The following TACC2 variants were observed in gnomAD, a reference collection of about 807,000 sequenced individuals.
TACC2 encodes the protein transforming acidic coiled-coil-containing protein 2.
In TACC2, 137 loss-of-function variants were observed where a neutral mutation model predicts 227.3. The ratio of observed to expected loss-of-function variants is 0.60; its 90% CI spans 0.52 to 0.69. The LOEUF (loss-of-function observed/expected upper bound fraction) is 0.69, where lower values mean the gene tolerates loss of function less well. TACC2 is among the 30% of genes least tolerant of loss of function. The pLI is 0.00. For synonymous variants in TACC2, 1,523 were observed against 1,487.5 expected, an observed-to-expected ratio of 1.02 and a Z score of -0.55; for missense variants, 3,470 against 3,694.4, an observed-to-expected ratio of 0.94 and a Z score of 1.57.
intron 2 of TACC2, among the ~76,000 whole-genome samples, chr10:122,032,324 A>G (rs1959085026): frequency 6.6e-6 from 1 of 152,210 alleles, no homozygotes. Flanking sequence ...CCAAACTGCT[A>G]TCTCTGTCCC....
chr10:122,103,151 A>G (rs959523976), intron 5 of TACC2, among the ~76,000 whole-genome samples: 27 of 150,556 alleles, frequency 1.8e-4, no homozygotes, highest in African/African-American at 6.6e-4. Flanking sequence ...GGATCTTATG[A>G]GTGTGAGGGC....
chr10:122,155,301 C>T (rs531287413), intron 7 of TACC2, among the ~76,000 whole-genome samples: 1 of 152,208 alleles, frequency 6.6e-6, no homozygotes, highest in Admixed American at 6.5e-5. Context: ...CTGTTTACAC[C>T]CAAATGTTTT....
chr10:122,078,067 C>T (rs531570414), intron 3 of TACC2, among the ~76,000 whole-genome samples: 30 of 151,910 alleles, frequency 2.0e-4, no homozygotes, highest in Admixed American at 5.9e-4. Context: ...TGGTGGTGCA[C>T]GCCTGTAGTC....
At chr10:122,149,865 C>T (rs1565440657) in intron 7 of TACC2, among the ~76,000 whole-genome samples, 1 of 152,236 alleles carries the variant, frequency 6.6e-6, no homozygotes, top group African/African-American at 2.4e-5. Context: ...CCATTGTTCT[C>T]TTGCCTCTGA....
In TACC2 at chr10:122,084,188, C is replaced by T; in HGVS notation, c.1688C>T (p.Ala563Val). 6.2e-7 allele frequency: 1 copy of T among 1,614,082 alleles called. No individual in the cohort carries two copies. The highest frequency in any genetic ancestry group is 1.1e-5 in the South Asian group (1 of 91,082). The change falls in exon 4 of 23, where the codon GCC (alanine) becomes GTC (valine). Residue 563 changes from alanine (A) to valine (V), a missense_variant. Physicochemically the swap from Ala to Val is moderately conservative, Grantham distance 64. This residue lies in a region of TACC2 where 1,924 missense variants were observed against 1,978.3 expected (regional missense o/e 0.97). Coordinates refer to ENST00000369005, the MANE Select transcript of TACC2 (RefSeq NM_206862.4). The stretch of plus-strand genomic sequence containing the variant: ...GTCCATGAAGATTCCACAAGCCCAG[C>T]CGTGGCTAAAGAAGGAAGCAGATCA... ...AKVHEDSTSPAVAKEGSRSPG... is the reference protein window; with the variant it reads ...AKVHEDSTSPVVAKEGSRSPG...
chr10:122,132,810 C>T (rs2088630017), intron 6 of TACC2, 76 bp downstream of exon 6: 4 of 1,476,474 alleles, frequency 2.7e-6, no homozygotes, highest in East Asian at 2.3e-5. Context: ...CGCTCCCCTC[C>T]CTTCCCCTCC....
rs781082579 is a variant in TACC2, at chr10:122,087,145, C to T, written c.4645C>T (p.Leu1549=). The change falls in exon 4 of 23, where the codon CTG becomes TTG. Residue 1549 remains leucine, a synonymous_variant. Transcript: ENST00000369005. The stretch of plus-strand genomic sequence containing the variant: ...CCTGGAAGGCCAGGCTTACTCACAG[C>T]TGGAGAGGAGCAGGCAGGAATTAGC... ...PGLEGQAYSQ[L]ERSRQELASG... The T allele has an allele frequency of 6.2e-7, 1 of 1,611,178 alleles. No individual in the cohort carries two copies.
At chr10:122,097,189 T>C (rs1323076944) in intron 5 of TACC2, among the ~76,000 whole-genome samples, 1 of 151,460 alleles carries the variant, frequency 6.6e-6, no homozygotes, top group Non-Finnish European at 1.5e-5. Context: ...ATTAGCGTGG[T>C]GTGGTGGTAC....
Position 122,049,115 on chromosome 10 carries a change from C to T in TACC2, c.34-1323C>T, listed in dbSNP as rs145698847. ...CAGCTCATCTGGATGAGAGGTGGACCGGGGAATGCACTCTCAGTTGCTAGT... is the reference window on the plus strand; with the variant it reads ...CAGCTCATCTGGATGAGAGGTGGACTGGGGAATGCACTCTCAGTTGCTAGT... On this transcript the variant is annotated intron_variant, in intron 2 of 22. Transcript: ENST00000369005. Among the ~76,000 whole-genome samples the T allele has an allele frequency of 1.2e-4, 18 of 152,248 alleles. No individual in the cohort carries two copies. In the East Asian group the frequency reaches 2.9e-3, roughly 25 times the overall value.
At chr10:122,017,955 CTTT>C (rs199883119) in intron 1 of TACC2, among the ~76,000 whole-genome samples, 1 of 129,936 alleles carries the variant, frequency 7.7e-6, no homozygotes. Flanking sequence ...TAGTGGAATT[CTTT>C]TTTTTTTTTT....
chr10:122,076,184 G>A (rs2078787496), intron 3 of TACC2, among the ~76,000 whole-genome samples: 1 of 152,272 alleles, frequency 6.6e-6, no homozygotes, highest in African/African-American at 2.4e-5. Context: ...TGGGGCTTCT[G>A]TAGAGTTATG....
chr10:122,064,795 A>G (rs2077213452), intron 3 of TACC2, among the ~76,000 whole-genome samples: 1 of 152,070 alleles, frequency 6.6e-6, no homozygotes, highest in Non-Finnish European at 1.5e-5. Context: ...TAGTGTCTCT[A>G]TAGTTTTGTT....
intron 7 of TACC2, chr10:122,163,950 C>T (rs767587456): frequency 1.3e-6 from 2 of 1,587,028 alleles, no homozygotes; most frequent in Middle Eastern, 1.7e-4. Flanking sequence ...TCCCTGCAGC[C>T]AGCCCCAGCC....
At chr10:122,234,772 C>T (rs2095825410) in intron 16 of TACC2, among the ~76,000 whole-genome samples, 3 of 152,152 alleles carry the variant, frequency 2.0e-5, no homozygotes, top group Non-Finnish European at 2.9e-5. Context: ...TTTTAGGCAG[C>T]ATAAAGATAA....
intron 6 of TACC2, among the ~76,000 whole-genome samples, chr10:122,138,593 T>C (rs1247548340): frequency 1.3e-5 from 2 of 152,228 alleles, no homozygotes; most frequent in African/African-American, 4.8e-5. Context: ...CCAAAAGTCT[T>C]CTCTGAATAA....
intron 3 of TACC2, among the ~76,000 whole-genome samples, chr10:122,080,528 C>G (rs183133266): frequency 1.3e-5 from 2 of 152,118 alleles, no homozygotes; most frequent in Non-Finnish European, 2.9e-5. Flanking sequence ...GCCATGCACC[C>G]GGCCTCTTCC....
At chr10:122,216,917 G>C (rs2095417488) in intron 11 of TACC2, 89 bp downstream of exon 11, 2 of 1,607,246 alleles carry the variant, frequency 1.2e-6, no homozygotes, top group African/African-American at 1.3e-5. Flanking sequence ...AAACTTCTCA[G>C]CCAGGTAACC....
rs150001273 is a variant in TACC2 at position 122,134,316 on chromosome 10, C to T, written c.5699+1582C>T. On this transcript the variant is annotated intron_variant, in intron 6 of 22. Transcript: ENST00000369005. ...CCTCCCGAGAAGCTGGAATTACAGG[C>T]GTGCGCCACCATGCCCACCTAATTT... 3.1e-3 allele frequency among the ~76,000 whole-genome samples: 467 copies of T among 152,110 alleles called. 3 individuals carry two copies. Among genetic ancestry groups the T allele is most frequent in the East Asian group, 0.016 (84 of 5,146 alleles).
chr10:122,083,651 A>C lies in TACC2; in HGVS notation c.1151A>C (p.Lys384Thr), dbSNP rs2079785941. The C allele has an allele frequency of 1.2e-6, 2 of 1,611,340 alleles. No homozygotes were observed. Among genetic ancestry groups the C allele is most frequent in the Non-Finnish European group, 8.5e-7 (1 of 1,180,036 alleles). The change falls in exon 4 of 23, where the codon AAG (lysine) becomes ACG (threonine). Residue 384 changes from lysine (K) to threonine (T), a missense_variant. Physicochemically the swap from Lys to Thr is moderately conservative, Grantham distance 78 (BLOSUM62 -1). Around this residue, in one of 10 missense-constraint regions of TACC2, gnomAD observed 1,924 missense variants for 1,978.3 expected, o/e 0.97. Transcript: ENST00000369005. ...GHPQTGMRGTKPNQVVCVAAG... is the reference protein window; with the variant it reads ...GHPQTGMRGTTPNQVVCVAAG... ...CCACAGACAGGGATGCGAGGAACCA[A>C]GCCCAATCAAGTTGTCTGTGTGGCA...
Sources: gnomAD v4.1 joint callset for allele counts (sites outside exome capture counted in the v4.1 genomes callset) on GRCh38, gnomAD v4.1.1 for gene constraint, gnomAD v4.1.1 regional missense constraint, MANE v1.5 for transcripts, NCBI Gene and HGNC (gene_info 2026-07-23, HGNC 2026-07-21) for gene names.